BBS7: variants seen among roughly 807,000 people sequenced by gnomAD.
BBS7 encodes the protein BBSome complex member BBS7.
A neutral mutation model predicts 90.3 loss-of-function variants in BBS7; 50 were observed. That is an observed-to-expected ratio of 0.55 (90% CI 0.44 to 0.70). The LOEUF (loss-of-function observed/expected upper bound fraction) is 0.70, where lower values mean the gene tolerates loss of function less well. Among genes scored for constraint, BBS7 ranks in the 30% least tolerant of loss-of-function variants. The pLI is 0.00. For synonymous variants in BBS7, 235 were observed against 287.4 expected, an observed-to-expected ratio of 0.82 and a Z score of 1.85; for missense variants, 729 against 838.9, an observed-to-expected ratio of 0.87 and a Z score of 1.62.
rs767319042 is a variant in BBS7, at chr4:121,835,113, T to TA, written c.1511+30dup. Reference sequence around the variant, plus strand: ...GGTCTATTTGAATTGTGTAATATCCTAAAAAGAATTTGCTCTTTCCTTTGT... The same window carrying TA: ...GGTCTATTTGAATTGTGTAATATCCTAAAAAAGAATTTGCTCTTTCCTTTGT... On this transcript the variant is annotated intron_variant, in intron 14 of 18. Coordinates refer to ENST00000264499, the MANE Select transcript of BBS7 (RefSeq NM_176824.3). The TA allele has an allele frequency of 1.7e-5, 27 of 1,611,058 alleles. 2 individuals are homozygous for TA. The South Asian group carries it at 3.0e-4, about 18-fold the overall frequency.
intron 4 of BBS7, among the ~76,000 whole-genome samples, chr4:121,860,689 C>T (rs985602088): frequency 2.0e-5 from 3 of 152,084 alleles, no homozygotes; most frequent in Non-Finnish European, 4.4e-5. Context: ...TTTGAAATTA[C>T]ATATTTCCAC....
At chr4:121,837,063 G>A (rs1157063085) in intron 13 of BBS7, among the ~76,000 whole-genome samples, 4 of 151,980 alleles carry the variant, frequency 2.6e-5, no homozygotes, top group South Asian at 2.1e-4. Context: ...GGGTTCAAGC[G>A]ATTATCATGC....
chr4:121,868,084 G>T (rs772494341), intron 1 of BBS7, 38 bp from the exon 2 acceptor site: 4 of 1,523,118 alleles, frequency 2.6e-6, no homozygotes, highest in African/African-American at 1.4e-5. Flanking sequence ...AATTTAATTT[G>T]AAGTTATTAC....
At chr4:121,860,541 T>C (rs1376488136) in intron 4 of BBS7, among the ~76,000 whole-genome samples, 1 of 152,190 alleles carries the variant, frequency 6.6e-6, no homozygotes, top group Non-Finnish European at 1.5e-5. Context: ...ACTCTCTATC[T>C]TTCTCACACT....
chr4:121,870,386 C>T lies in BBS7; in HGVS notation c.-73G>A. 6 of 1,576,908 alleles carry T rather than the reference C, an allele frequency of 3.8e-6. No individual in the cohort carries two copies. The highest frequency in any genetic ancestry group is 5.2e-6 in the Non-Finnish European group (6 of 1,147,954). On this transcript the variant is annotated 5_prime_UTR_variant, in exon 1 of 19. Coordinates refer to ENST00000264499, the MANE Select transcript of BBS7 (RefSeq NM_176824.3). ...ACAGAGGCTTCGGGCCCGCAGGCCT[C>T]CGACCCAGTCAGAAGGCTGCCCGCG... is the stretch of plus-strand genomic sequence containing the variant.
At chr4:121,826,872 T>G (rs1018539838) in intron 18 of BBS7, among the ~76,000 whole-genome samples, 2 of 152,086 alleles carry the variant, frequency 1.3e-5, no homozygotes, top group Admixed American at 1.3e-4. Flanking sequence ...TAATCGCAGC[T>G]ACTCAGGAGG....
chr4:121,870,300 A>G lies in BBS7; in HGVS notation c.14T>C (p.Leu5Ser). 2 of 1,614,176 alleles carry G rather than the reference A, an allele frequency of 1.2e-6. No homozygotes were observed. The highest frequency in any genetic ancestry group is 1.7e-6 in the Non-Finnish European group (2 of 1,180,010). The change falls in exon 1 of 19, where the codon TTA becomes TCA. Residue 5 changes from leucine (L) to serine (S), a missense_variant. Transcript: ENST00000264499. MDLILNRMDYLQVGV... is the reference protein window; with the variant it reads MDLISNRMDYLQVGV... ...TACCTGCAGATAATCCATTCGGTTT[A>G]AAATCAGATCCATGATGACTACGCG...
rs1211533033 is a variant in BBS7 at position 121,833,349 on chromosome 4, C to T, written c.1558G>A (p.Val520Ile). The change falls in exon 15 of 19, where the codon GTT (valine) becomes ATT (isoleucine). Residue 520 changes from valine to isoleucine, a missense_variant. Coordinates refer to ENST00000264499, the MANE Select transcript of BBS7 (RefSeq NM_176824.3). ...TLTGQFSFAE[V>I]HSWVVFCLPE... ...AGACAAAAAACCACCCAGGAGTGAA[C>T]TTCAGCAAAACTGAACTGGCCTGTT... The T allele has an allele frequency of 1.9e-6, 3 of 1,614,022 alleles. No individual in the cohort carries two copies. Among genetic ancestry groups the T allele is most frequent in the East Asian group, 2.2e-5 (1 of 44,854 alleles).
intron 18 of BBS7, among the ~76,000 whole-genome samples, chr4:121,827,379 G>A (rs892345253): frequency 6.6e-6 from 1 of 152,178 alleles, no homozygotes; most frequent in Non-Finnish European, 1.5e-5. Flanking sequence ...ATTTTGGGGT[G>A]AGAAGATTCT....
intron 4 of BBS7, among the ~76,000 whole-genome samples, chr4:121,860,758 CAGG>C (rs1278046081): frequency 6.6e-6 from 1 of 152,098 alleles, no homozygotes; most frequent in Non-Finnish European, 1.5e-5. Context: ...TCCCAAACAT[CAGG>C]AGATGTGCTG....
intron 2 of BBS7, among the ~76,000 whole-genome samples, chr4:121,867,456 G>A (rs987493081): frequency 6.6e-6 from 1 of 152,002 alleles, no homozygotes; most frequent in African/African-American, 2.4e-5. Context: ...AGTACTATGT[G>A]TAATTGTTGA....
intron 15 of BBS7, 51 bp downstream of exon 15, chr4:121,833,180 G>A (rs776730645): frequency 1.3e-6 from 2 of 1,566,574 alleles, no homozygotes; most frequent in South Asian, 2.2e-5. Context: ...AAACTTAGAA[G>A]CTACATTTAT....
At chr4:121,844,180 G>A (rs1283321278) in intron 11 of BBS7, among the ~76,000 whole-genome samples, 179 bp from the exon 12 acceptor site, 1 of 151,930 alleles carries the variant, frequency 6.6e-6, no homozygotes, top group African/African-American at 2.4e-5. Flanking sequence ...ATATAATAAA[G>A]AATAAATGTT....
At chr4:121,849,815 C>T (rs893716595) in intron 8 of BBS7, among the ~76,000 whole-genome samples, 2 of 151,772 alleles carry the variant, frequency 1.3e-5, no homozygotes, top group Admixed American at 6.6e-5. Context: ...GGCGACAGAG[C>T]GAGACTGTCT....
chr4:121,826,842 G>C (rs1300040565), intron 18 of BBS7, among the ~76,000 whole-genome samples: 1 of 152,016 alleles, frequency 6.6e-6, no homozygotes. Flanking sequence ...AAATTAGCTG[G>C]GCATGGTGGC....
At chr4:121,855,395 G>T in intron 6 of BBS7, 94 bp downstream of exon 6, 1 of 1,147,514 alleles carries the variant, frequency 8.7e-7, no homozygotes, top group Non-Finnish European at 1.3e-6. Context: ...AAAGACAACT[G>T]TCTCAATTCT....
At chr4:121,857,141 C>T (rs1174653042) in intron 5 of BBS7, among the ~76,000 whole-genome samples, 2 of 148,884 alleles carry the variant, frequency 1.3e-5, no homozygotes, top group Non-Finnish European at 3.0e-5. Context: ...TTTTTTGAGC[C>T]AGGATCTGAC....
At position 121,828,483 on chromosome 4, in the gene BBS7, T is replaced by C. The variant is rs1321127093; in HGVS notation, c.1809A>G (p.Lys603=). The change falls in exon 17 of 19, where the codon AAA becomes AAG. Residue 603 remains lysine (K), a synonymous_variant. Transcript: ENST00000264499. ...ISYEINEVSV[K]HTLKLIHPKL... is the part of the protein sequence containing the mutation. ...TTGGGTGGATTAGCTTTAAAGTGTG[T>C]TTGACTGATACTTCATTTATCTCTA... 6.2e-7 allele frequency: 1 copy of C among 1,613,894 alleles called. No individual in the cohort carries two copies.
chr4:121,856,826 A>G (rs568614418), intron 5 of BBS7, among the ~76,000 whole-genome samples: 23 of 152,028 alleles, frequency 1.5e-4, no homozygotes, highest in Admixed American at 3.3e-4. Flanking sequence ...CTGAAATGCA[A>G]TGCTGTGACC....
Sources: allele counts gnomAD v4.1 joint callset (sites outside exome capture counted in the v4.1 genomes callset), GRCh38; gene constraint gnomAD v4.1.1; transcripts MANE v1.5; gene names NCBI Gene and HGNC (gene_info 2026-07-23, HGNC 2026-07-21).